ADAR: variants seen among roughly 807,000 people sequenced by gnomAD.
ADAR encodes the protein adenosine deaminase RNA specific, also known as double-stranded RNA-specific adenosine deaminase.
ADAR carries 41 observed loss-of-function variants against 113.2 expected under a neutral mutation model. That is an observed-to-expected ratio of 0.36 (90% CI 0.28 to 0.47). ADAR has a LOEUF of 0.47. ADAR is among the 20% of genes least tolerant of loss of function. ADAR has a pLI of 1.00. For synonymous variants in ADAR, 605 were observed against 572.6 expected, an observed-to-expected ratio of 1.06 and a Z score of -0.81; for missense variants, 1,242 against 1,540.9, an observed-to-expected ratio of 0.81 and a Z score of 3.25.
chr1:154,618,574 A>G (rs1426720752), intron 1 of ADAR, among the ~76,000 whole-genome samples: 2 of 152,246 alleles, frequency 1.3e-5, no homozygotes, highest in East Asian at 1.9e-4. Context: ...AAGCAAGGGT[A>G]GAGCTTCAGA....
intron 1 of ADAR, chr1:154,627,734 T>A (rs1698985726): frequency 2.4e-6 from 1 of 422,328 alleles, no homozygotes; most frequent in Non-Finnish European, 4.8e-6. Context: ...GCGGCCACCC[T>A]CAGTGCCCTG....
At chr1:154,589,282 T>C (rs1571062691) in intron 9 of ADAR, 87 bp downstream of exon 9, 3 of 1,047,078 alleles carry the variant, frequency 2.9e-6, no homozygotes, top group South Asian at 2.5e-5. Context: ...CTGAGGGGGA[T>C]TCAGAGGCCG....
chr1:154,588,929 C>G (rs1219704496), intron 9 of ADAR, among the ~76,000 whole-genome samples: 1 of 152,212 alleles, frequency 6.6e-6, no homozygotes, highest in African/African-American at 2.4e-5. Flanking sequence ...CAAACTGATT[C>G]AAGGACTACA....
intron 11 of ADAR, 135 bp from the exon 12 acceptor site, chr1:154,586,498 G>A (rs1696772101): frequency 1.1e-6 from 1 of 935,566 alleles, no homozygotes; most frequent in East Asian, 2.6e-5. Flanking sequence ...CCCCTGCTAT[G>A]CGCCAGGCAC....
In ADAR at chr1:154,601,444, A is replaced by G; in HGVS notation, c.1198T>C (p.Ser400Pro). 1 of 1,614,102 alleles carries G rather than the reference A, an allele frequency of 6.2e-7. No individual in the cohort carries two copies. The highest frequency in any genetic ancestry group is 8.5e-7 in the Non-Finnish European group (1 of 1,180,036). ...TTTTCTGTGGTTACCATGTTATTTG[A>G]GGCATTTGATGTGGGTATATTACAG... is the stretch of plus-strand genomic sequence containing the variant. ...LTCNIPTSNA[S>P]NNMVTTEKVE... The change falls in exon 2 of 15, where the codon TCA becomes CCA. Residue 400 changes from serine (S) to proline (P), a missense_variant. Coordinates refer to ENST00000368474, the MANE Select transcript of ADAR (RefSeq NM_001111.5). This position sits in a 1 kb window ranked among gnomAD's most constrained non-coding sequence, Gnocchi z 4.7.
intron 1 of ADAR, among the ~76,000 whole-genome samples, chr1:154,603,831 C>G (rs1439142109): frequency 6.6e-6 from 1 of 152,178 alleles, no homozygotes; most frequent in Admixed American, 6.5e-5. Flanking sequence ...CTCCTGGAGG[C>G]TGCACAGGTA....
chr1:154,609,151 T>G (rs898070979), upstream of ADAR, among the ~76,000 whole-genome samples: 2 of 152,196 alleles, frequency 1.3e-5, no homozygotes, highest in African/African-American at 4.8e-5. Flanking sequence ...CAAATCCAGG[T>G]CTGAAGGCTT....
At chr1:154,585,369 G>C in intron 13 of ADAR, 25 bp from the exon 14 acceptor site, 2 of 1,613,992 alleles carry the variant, frequency 1.2e-6, no homozygotes. Context: ...AGCAACGGGA[G>C]AAAGATGGAA....
chr1:154,606,202 C>T (rs1470990135), intron 1 of ADAR, among the ~76,000 whole-genome samples: 1 of 152,166 alleles, frequency 6.6e-6, no homozygotes, highest in Non-Finnish European at 1.5e-5. Context: ...CCACCACACC[C>T]AGCTAATTTT....
rs1045962590 is a variant in ADAR, at chr1:154,584,500, T to C, written c.*306A>G. ...AATGGAAACAAATCAAAACAAAACT[T>C]TTAAGAGGAAATGGACCGCAGGTGC... On this transcript the variant is annotated 3_prime_UTR_variant, in exon 15 of 15. Transcript: ENST00000368474. 2 of 352,592 alleles carry C rather than the reference T, an allele frequency of 5.7e-6. No homozygotes were observed. Among genetic ancestry groups the C allele is most frequent in the Admixed American group, 4.4e-5 (1 of 22,608 alleles). The allele number at this position is 352,592 out of a possible 1,614,324, so 21.8% of individuals were successfully genotyped here.
rs1291240723 is a variant in ADAR, at chr1:154,602,176, T to G, written c.466A>C (p.Thr156Pro). ...FLEELGEGKA[T>P]TAHDLSGKLG... ...TTCCCAGACAGATCATGTGCTGTGG[T>G]GGCCTTCCCTTCCCCAAGCTCTTCC... The change falls in exon 2 of 15, where the codon ACC becomes CCC. Residue 156 changes from threonine (T) to proline (P), a missense_variant. Thr to Pro is a conservative substitution (Grantham distance 38, BLOSUM62 -1). Transcript: ENST00000368474. 3 of 1,614,220 alleles carry G rather than the reference T, an allele frequency of 1.9e-6. No individual in the cohort carries two copies. Among genetic ancestry groups the G allele is most frequent in the Non-Finnish European group, 2.5e-6 (3 of 1,180,026 alleles).
intron 6 of ADAR, 150 bp downstream of exon 6, chr1:154,596,655 T>C: frequency 2.5e-6 from 2 of 815,934 alleles, no homozygotes; most frequent in Non-Finnish European, 4.1e-6. Context: ...AGGTCTATTG[T>C]CTTCTAAGAG....
Position 154,584,794 on chromosome 1 carries a change from C to G in ADAR, c.*12G>C. ...GTATGACACACCCTAATCCATCTGT[C>G]ACTGGAGCATACTATACTGGGCAGA... On this transcript the variant is annotated 3_prime_UTR_variant, in exon 15 of 15. Transcript: ENST00000368474. 1 of 1,604,004 alleles carries G rather than the reference C, an allele frequency of 6.2e-7. No individual in the cohort carries two copies. Among genetic ancestry groups the G allele is most frequent in the South Asian group, 1.1e-5 (1 of 90,792 alleles).
In ADAR at chr1:154,600,907, TAGCTAAAAGGCAGAAGGGA is replaced by T; in HGVS notation, c.1601+115_1601+133del. ...GAGAAAGGGCCAATCAAGGGGAATT[TAGCTAAAAGGCAGAAGGGA>T]AGGAGGAAAAGATAGGCGCCACCAA... On this transcript the variant is annotated intron_variant, in intron 2 of 14. Transcript: ENST00000368474. 12 of 1,264,844 alleles carry T rather than the reference TAGCTAAAAGGCAGAAGGGA, an allele frequency of 9.5e-6. 1 individual carries two copies. In the Admixed American group the frequency reaches 2.1e-4, roughly 22 times the overall value. 78.4% of individuals were successfully genotyped at this position (1,264,844 alleles called of 1,614,324 possible).
intron 1 of ADAR, among the ~76,000 whole-genome samples, chr1:154,604,628 G>C (rs2101653699): frequency 6.6e-6 from 1 of 152,218 alleles, no homozygotes; most frequent in East Asian, 1.9e-4. Context: ...TCTCCTCCCA[G>C]GGTTTGGTGA....
At chr1:154,627,318 CCA>C (rs1383346484) in intron 1 of ADAR, among the ~76,000 whole-genome samples, 6 of 152,208 alleles carry the variant, frequency 3.9e-5, no homozygotes, top group African/African-American at 1.2e-4. Flanking sequence ...AGTGAGCTTT[CCA>C]CAGTGGCCTC....
chr1:154,598,602 T>A lies in ADAR; in HGVS notation c.1602-17A>T, dbSNP rs756044090. 2 of 1,613,698 alleles carry A rather than the reference T, an allele frequency of 1.2e-6. No individual in the cohort carries two copies. Among genetic ancestry groups the A allele is most frequent in the African/African-American group, 1.3e-5 (1 of 75,024 alleles). ...AATTTAAATCTTGACGGAAAGTGATTAGATGTGTGAACAGGAGTCTAGGTC... is the reference window on the plus strand; with the variant it reads ...AATTTAAATCTTGACGGAAAGTGATAAGATGTGTGAACAGGAGTCTAGGTC... On this transcript the variant is annotated splice_polypyrimidine_tract_variant and intron_variant, in intron 2 of 14. Coordinates refer to ENST00000368474, the MANE Select transcript of ADAR (RefSeq NM_001111.5).
At chr1:154,592,010 CT>C (rs1333148169) in intron 6 of ADAR, among the ~76,000 whole-genome samples, 1 of 152,148 alleles carries the variant, frequency 6.6e-6, no homozygotes, top group Non-Finnish European at 1.5e-5. Context: ...AATATGAACT[CT>C]TACGTGCAAA....
rs761527457 is a variant in ADAR, at chr1:154,606,949, T to A, written c.15+1043A>T. ...AAAGGAGTGCTTAAAAAAAAAAAAA[T>A]ATATATATATCTTAACAAAATTGAG... On this transcript the variant is annotated intron_variant, in intron 1 of 14. Transcript: ENST00000368474. 4.8e-3 allele frequency among the ~76,000 whole-genome samples: 605 copies of A among 126,974 alleles called. 3 individuals carry two copies. Among genetic ancestry groups the A allele is most frequent in the East Asian group, 0.017 (73 of 4,314 alleles). The allele number at this position is 126,974 out of a possible 152,430, so 83.3% of individuals were successfully genotyped here.
Sources: gnomAD v4.1 joint callset for allele counts (sites outside exome capture counted in the v4.1 genomes callset) on GRCh38, gnomAD v4.1.1 for gene constraint, Gnocchi (gnomAD v3.1) non-coding constraint, MANE v1.5 for transcripts, NCBI Gene and HGNC (gene_info 2026-07-23, HGNC 2026-07-21) for gene names.